AZIN1: variants seen among roughly 807,000 people sequenced by gnomAD.
AZIN1 encodes the protein ornithine decarboxylase antizyme inhibitor.
AZIN1 carries 12 observed loss-of-function variants against 47.4 expected under a neutral mutation model. The ratio of observed to expected loss-of-function variants is 0.25; its 90% CI spans 0.16 to 0.41. The LOEUF (loss-of-function observed/expected upper bound fraction) is 0.41. AZIN1 is among the 10% of genes least tolerant of loss of function. The pLI is 1.00. For synonymous variants in AZIN1, 155 were observed against 176.3 expected (o/e 0.88, Z 0.96); for missense variants, 410 against 532.4 (o/e 0.77, Z 2.26).
At chr8:102,857,558 CATAT>C (rs1325636033) in intron 2 of AZIN1, among the ~76,000 whole-genome samples, 15 of 151,940 alleles carry the variant, frequency 9.9e-5, no homozygotes, top group Admixed American at 9.8e-4. Flanking sequence ...TAATACCATA[CATAT>C]ATTTTAATAC....
chr8:102,844,057 G>A (rs899430722), intron 2 of AZIN1, among the ~76,000 whole-genome samples: 3 of 152,084 alleles, frequency 2.0e-5, no homozygotes, highest in South Asian at 2.1e-4. Flanking sequence ...CTTGTTTTGC[G>A]TTCCTATAAC....
chr8:102,851,970 G>C (rs988540155), intron 2 of AZIN1, among the ~76,000 whole-genome samples: 2 of 152,170 alleles, frequency 1.3e-5, no homozygotes, highest in Non-Finnish European at 2.9e-5. Flanking sequence ...GTGGCAAACA[G>C]TTTTCAAGTC....
At chr8:102,850,347 A>T (rs947128729) in intron 2 of AZIN1, among the ~76,000 whole-genome samples, 3 of 152,232 alleles carry the variant, frequency 2.0e-5, no homozygotes, top group Non-Finnish European at 4.4e-5. Context: ...TTACATAGGC[A>T]TTTGATGACT....
At position 102,843,628 on chromosome 8, in the gene AZIN1, T is replaced by A; in HGVS notation, c.25A>T (p.Asn9Tyr). 6.2e-7 allele frequency: 1 copy of A among 1,614,098 alleles called. No homozygotes were observed. The highest frequency in any genetic ancestry group is 1.7e-5 in the Admixed American group (1 of 60,032). The change falls in exon 3 of 12, where the codon AAC becomes TAC. Residue 9 changes from asparagine to tyrosine, a missense_variant. Asn to Tyr is a moderately radical substitution (Grantham distance 143, BLOSUM62 -2). Transcript: ENST00000337198. MKGFIDDANYSVGLLDEGT... is the reference protein window; with the variant it reads MKGFIDDAYYSVGLLDEGT... Reference sequence around the variant, plus strand: ...TCATCCAACAGGCCAACGGAGTAGTTTGCATCATCAATAAATCCTTTCATC... The same window carrying A: ...TCATCCAACAGGCCAACGGAGTAGTATGCATCATCAATAAATCCTTTCATC...
At chr8:102,838,334 A>C (rs1202113063) in intron 5 of AZIN1, among the ~76,000 whole-genome samples, 1 of 152,208 alleles carries the variant, frequency 6.6e-6, no homozygotes, top group African/African-American at 2.4e-5. Flanking sequence ...ATGACCATTC[A>C]AGAACTATGG....
At chr8:102,856,613 T>A (rs1240575017) in intron 2 of AZIN1, among the ~76,000 whole-genome samples, 1 of 152,224 alleles carries the variant, frequency 6.6e-6, no homozygotes, top group Non-Finnish European at 1.5e-5. Flanking sequence ...TTTATTACGG[T>A]CTTCCTCAAA....
At chr8:102,843,205 C>CAAAAAAAAA (rs10713233) in intron 3 of AZIN1, among the ~76,000 whole-genome samples, 1 of 97,268 alleles carries the variant, frequency 1.0e-5, no homozygotes, top group African/African-American at 3.7e-5. Context: ...GACTCGTCTC[C>CAAAAAAAAA]AAAAAAAAAA....
At position 102,836,268 on chromosome 8, in the gene AZIN1, A is replaced by G; in HGVS notation, c.572T>C (p.Ile191Thr). 1.2e-6 allele frequency: 2 copies of G among 1,613,848 alleles called. No homozygotes were observed. Among genetic ancestry groups the G allele is most frequent in the Non-Finnish European group, 1.7e-6 (2 of 1,179,840 alleles). The change falls in exon 6 of 12, where the codon ATA (isoleucine) becomes ACA (threonine). Residue 191 changes from isoleucine to threonine, a missense_variant. Physicochemically the swap from Ile to Thr is moderately conservative, Grantham distance 89. Transcript: ENST00000337198. ...LECAKELDVQ[I>T]IGVKFHVSSA... Reference sequence around the variant, plus strand: ...AACAAATACTCACTTAACCCCAATTATTTGGACATCAAGTTCCTTAGCACA... The same window carrying G: ...AACAAATACTCACTTAACCCCAATTGTTTGGACATCAAGTTCCTTAGCACA...
intron 2 of AZIN1, among the ~76,000 whole-genome samples, chr8:102,851,635 G>A (rs1449126102): frequency 6.6e-6 from 1 of 152,146 alleles, no homozygotes; most frequent in Admixed American, 6.5e-5. Context: ...GAACCTGGGA[G>A]GTGGAGGTTG....
At chr8:102,844,395 G>A (rs1030946260) in intron 2 of AZIN1, among the ~76,000 whole-genome samples, 1 of 151,866 alleles carries the variant, frequency 6.6e-6, no homozygotes, top group African/African-American at 2.4e-5. Flanking sequence ...AAATGGGTGA[G>A]AGTGGAGGGT....
chr8:102,829,840 G>T lies in AZIN1; in HGVS notation c.1001C>A (p.Thr334Asn). Reference protein sequence around the residue: ...FASKLSEDLNTIPEVHKKYKE... With the variant: ...FASKLSEDLNNIPEVHKKYKE... Reference sequence around the variant, plus strand: ...ACTTGCCTTGTGAACCTCTGGAATGGTATTTAAGTCCTCAGACAGTTTACT... The same window carrying T: ...ACTTGCCTTGTGAACCTCTGGAATGTTATTTAAGTCCTCAGACAGTTTACT... Residue 334 changes from threonine to asparagine, a missense_variant, in exon 10 of 12, where the codon ACC becomes AAC. Transcript: ENST00000337198. 6.2e-7 allele frequency: 1 copy of T among 1,611,182 alleles called. No homozygotes were observed. The highest frequency in any genetic ancestry group is 8.5e-7 in the Non-Finnish European group (1 of 1,178,142).
At chr8:102,829,957 G>C (rs771161220) in intron 9 of AZIN1, 21 bp from the exon 10 acceptor site, 28 of 1,455,412 alleles carry the variant, frequency 1.9e-5, no homozygotes, top group Non-Finnish European at 2.7e-5. Context: ...ACAGGAAAGG[G>C]GAAAATGAAT....
chr8:102,846,530 GGAATA>G (rs1812580169), intron 2 of AZIN1, among the ~76,000 whole-genome samples: 1 of 152,010 alleles, frequency 6.6e-6, no homozygotes, highest in Non-Finnish European at 1.5e-5. Context: ...GATATACTGA[GGAATA>G]GAATAATTAA....
At position 102,854,064 on chromosome 8, in the gene AZIN1, A is replaced by T. The variant is rs151179880; in HGVS notation, c.-96+3949T>A. 1.2e-3 allele frequency among the ~76,000 whole-genome samples: 186 copies of T among 151,948 alleles called. 1 individual carries two copies. Among genetic ancestry groups the T allele is most frequent in the African/African-American group, 4.4e-3 (182 of 41,442 alleles). On this transcript the variant is annotated intron_variant, in intron 2 of 11. Coordinates refer to ENST00000337198, the MANE Select transcript of AZIN1 (RefSeq NM_148174.4). ...TCAAGCAGGCCTCAGCCTCCCTAGT[A>T]GCTGGGATTACATGCGTGCACCACC...
chr8:102,845,049 A>C (rs1056666916), intron 2 of AZIN1, among the ~76,000 whole-genome samples: 1 of 152,206 alleles, frequency 6.6e-6, no homozygotes, highest in Admixed American at 6.5e-5. Context: ...TCTGGTTGCC[A>C]CATTAATAAT....
intron 5 of AZIN1, among the ~76,000 whole-genome samples, chr8:102,836,744 T>C (rs928305074): frequency 1.3e-5 from 2 of 152,192 alleles, no homozygotes; most frequent in African/African-American, 2.4e-5. Context: ...AATGCCATCA[T>C]TGTCTTTCAA....
Position 102,839,708 on chromosome 8 carries a change from G to A in AZIN1, c.218C>T (p.Ala73Val). The change falls in exon 4 of 12, where the codon GCT becomes GTT. Residue 73 changes from alanine (A) to valine (V), a missense_variant. By Grantham distance (64) the Ala-to-Val change is moderately conservative. Coordinates refer to ENST00000337198, the MANE Select transcript of AZIN1 (RefSeq NM_148174.4). The part of the protein sequence containing the change: ...KPFYTVKCNS[A>V]PAVLEILAAL... ...TGCCAAAATCTCAAGTACAGCTGGA[G>A]CAGAGTTGCACTTCACTGTGTAGAA... 1 of 1,604,988 alleles carries A rather than the reference G, an allele frequency of 6.2e-7. No homozygotes were observed. The highest frequency in any genetic ancestry group is 1.3e-5 in the African/African-American group (1 of 74,806).
At chr8:102,836,769 C>G (rs1278460604) in intron 5 of AZIN1, among the ~76,000 whole-genome samples, 1 of 152,188 alleles carries the variant, frequency 6.6e-6, no homozygotes, top group East Asian at 1.9e-4. Context: ...AATATCAGGG[C>G]TTTAAATGTC....
At chr8:102,830,084 A>C in intron 9 of AZIN1, 148 bp from the exon 10 acceptor site, 1 of 608,076 alleles carries the variant, frequency 1.6e-6, no homozygotes, top group Non-Finnish European at 2.9e-6. Flanking sequence ...ACCAATGAGC[A>C]CAAGAAAAGA....
Sources: gnomAD v4.1 joint callset for allele counts (sites outside exome capture counted in the v4.1 genomes callset) on GRCh38, gnomAD v4.1.1 for gene constraint, MANE v1.5 for transcripts, NCBI Gene and HGNC (gene_info 2026-07-23, HGNC 2026-07-21) for gene names.